Variants in SLF2 observed in about 807,000 individuals in gnomAD.
SLF2 encodes SMC5-SMC6 complex localization factor protein 2.
A neutral mutation model predicts 124.3 loss-of-function variants in SLF2; 68 were observed. That is an observed-to-expected ratio of 0.55 (90% confidence interval 0.45 to 0.67). The LOEUF (loss-of-function observed/expected upper bound fraction) is 0.67. Ranked by LOEUF, SLF2 falls within the 30% of genes least tolerant of loss-of-function variation. The pLI is 0.00. For missense variants in SLF2, 1,246 were observed against 1,373.7 expected, an observed-to-expected ratio of 0.91 and a Z score of 1.47; for synonymous variants, 480 against 478.8, an observed-to-expected ratio of 1.00 and a Z score of -0.03.
At chr10:100,955,160 T>G (rs1850306098) in intron 17 of SLF2, among the ~76,000 whole-genome samples, 1 of 152,004 alleles carries the variant, frequency 6.6e-6, no homozygotes, top group African/African-American at 2.4e-5. Context: ...GAGGATGGTC[T>G]TGATCTCCTG....
intron 17 of SLF2, among the ~76,000 whole-genome samples, chr10:100,952,795 C>T (rs1427774090): frequency 1.3e-5 from 2 of 149,556 alleles, no homozygotes; most frequent in African/African-American, 4.9e-5. Flanking sequence ...AAAAATTAGC[C>T]GGGCGTGATG....
chr10:100,914,312 GT>G lies in SLF2; in HGVS notation c.140+1071del, dbSNP rs144752521. On this transcript the variant is annotated intron_variant, in intron 1 of 19. Transcript: ENST00000238961. ...CTGTTATAATTGTGTGTGTGTGTGT[GT>G]TTTTTTTTAAGCCAGTTGTTAAATA... Among the ~76,000 whole-genome samples, 423 of 53,862 alleles carry G rather than the reference GT, an allele frequency of 7.9e-3. 3 individuals carry two copies. In the Middle Eastern group the frequency reaches 0.13, roughly 16 times the overall value. 35.3% of individuals were successfully genotyped at this position (53,862 alleles called of 152,430 possible). A position where few individuals can be genotyped will look rare whatever the true frequency, so the allele number is the denominator to read the frequency against.
chr10:100,913,564 C>G, intron 1 of SLF2: 1 of 1,214,000 alleles, frequency 8.2e-7, no homozygotes, highest in South Asian at 3.6e-5. Context: ...CTGCTTAATG[C>G]ATATTTAGAT....
intron 1 of SLF2, chr10:100,913,862 C>T (rs1408520367): frequency 1.0e-6 from 1 of 985,386 alleles, no homozygotes; most frequent in Non-Finnish European, 1.2e-6. Flanking sequence ...CATCCTCTGA[C>T]AATAAAACAT....
chr10:100,933,576 A>C (rs1020111977), intron 9 of SLF2, among the ~76,000 whole-genome samples: 8 of 152,200 alleles, frequency 5.3e-5, no homozygotes, highest in Non-Finnish European at 1.2e-4. Context: ...AGACCAGAAA[A>C]AGGTTAGTAC....
rs763868149 is a variant in SLF2, at chr10:100,956,443, T to G, written c.3331-8T>G. On this transcript the variant is annotated splice_region_variant and splice_polypyrimidine_tract_variant and intron_variant, in intron 17 of 19. Transcript: ENST00000238961. ...ATTGTTTTCATCCCTTGCATTTGTTTTGCACAGAAACACTTTGTGCTACTC... is the reference window on the plus strand; with the variant it reads ...ATTGTTTTCATCCCTTGCATTTGTTGTGCACAGAAACACTTTGTGCTACTC... 2 of 1,590,496 alleles carry G rather than the reference T, an allele frequency of 1.3e-6. No individual in the cohort carries two copies. Among genetic ancestry groups the G allele is most frequent in the Non-Finnish European group, 1.7e-6 (2 of 1,172,644 alleles).
chr10:100,930,041 TTACTC>T (rs1849700872), intron 8 of SLF2, 44 bp downstream of exon 8: 2 of 1,316,236 alleles, frequency 1.5e-6, no homozygotes, highest in Non-Finnish European at 2.0e-6. Context: ...GTATAAAAAA[TTACTC>T]TAAAACACTT....
intron 16 of SLF2, 136 bp from the exon 17 acceptor site, chr10:100,950,540 G>A (rs923688212): frequency 2.4e-5 from 17 of 721,154 alleles, no homozygotes; most frequent in African/African-American, 1.4e-4. Flanking sequence ...TAGATGCTTC[G>A]CTTTTACTTA....
intron 13 of SLF2, 103 bp from the exon 14 acceptor site, chr10:100,946,936 T>C: frequency 1.1e-6 from 1 of 878,424 alleles, no homozygotes; most frequent in Non-Finnish European, 1.9e-6. Context: ...CTCTGTTTTG[T>C]ACTAGTGCTT....
At chr10:100,917,353 A>G in intron 3 of SLF2, 53 bp downstream of exon 3, 1 of 1,508,596 alleles carries the variant, frequency 6.6e-7, no homozygotes, top group Non-Finnish European at 8.8e-7. Flanking sequence ...CATATTTAGA[A>G]TACTAAATTT....
At chr10:100,938,543 G>A in intron 10 of SLF2, 52 bp from the exon 11 acceptor site, 2 of 1,541,106 alleles carry the variant, frequency 1.3e-6, no homozygotes, top group East Asian at 2.4e-5. Context: ...CCTTGCAAAT[G>A]TGGGTTTGTA....
intron 9 of SLF2, 93 bp from the exon 10 acceptor site, chr10:100,937,309 C>A: frequency 1.1e-6 from 1 of 936,676 alleles, no homozygotes; most frequent in Non-Finnish European, 1.7e-6. Context: ...CTGCGCCTGG[C>A]CTACATAAAA....
intron 4 of SLF2, among the ~76,000 whole-genome samples, chr10:100,920,987 A>G (rs1849515029): frequency 6.6e-6 from 1 of 152,136 alleles, no homozygotes; most frequent in South Asian, 2.1e-4. Flanking sequence ...TCCAAATGAT[A>G]TGTCTTGTTC....
intron 18 of SLF2, among the ~76,000 whole-genome samples, chr10:100,959,084 C>G (rs1380624414): frequency 6.6e-6 from 1 of 152,154 alleles, no homozygotes; most frequent in East Asian, 1.9e-4. Context: ...TGACACAGAC[C>G]ACCCTTCAGC....
intron 18 of SLF2, among the ~76,000 whole-genome samples, chr10:100,958,710 G>T (rs1404381984): frequency 2.0e-5 from 3 of 152,202 alleles, no homozygotes. Context: ...GAAGAAAAAA[G>T]CATAGATTGT....
chr10:100,945,317 T>G lies in SLF2; in HGVS notation c.2758-13T>G, dbSNP rs541287227. Reference sequence around the variant, plus strand: ...TCCTAAAATATTTTTGTCTGTGCATTTATGTTAAACAGTTTCTAGGCTTGT... The same window carrying G: ...TCCTAAAATATTTTTGTCTGTGCATGTATGTTAAACAGTTTCTAGGCTTGT... On this transcript the variant is annotated splice_polypyrimidine_tract_variant and intron_variant, in intron 12 of 19. Coordinates refer to ENST00000238961, the MANE Select transcript of SLF2 (RefSeq NM_018121.4). 9 of 1,550,086 alleles carry G rather than the reference T, an allele frequency of 5.8e-6. No homozygotes were observed. In the South Asian group the frequency reaches 1.2e-4, roughly 20 times the overall value.
rs765421964 is a variant in SLF2 at position 100,917,032 on chromosome 10, T to G, written c.647T>G (p.Leu216Arg). 1.9e-6 allele frequency: 3 copies of G among 1,614,158 alleles called. No homozygotes were observed. The highest frequency in any genetic ancestry group is 2.5e-6 in the Non-Finnish European group (3 of 1,180,030). The change falls in exon 3 of 20, where the codon CTT becomes CGT. Residue 216 changes from leucine (L) to arginine (R), a missense_variant. Transcript: ENST00000238961. ...ADIFNNSSRS[L>R]SSRSSLSRHH... ...ATCTTCAATAACAGCTCCAGAAGCC[T>G]TAGCAGCAGGAGCAGCCTGTCCAGG...
chr10:100,943,996 C>T, intron 11 of SLF2, 30 bp from the exon 12 acceptor site: 1 of 1,466,720 alleles, frequency 6.8e-7, no homozygotes, highest in Non-Finnish European at 9.3e-7. Flanking sequence ...TTGTGCCTAA[C>T]TTCACATTGC....
intron 6 of SLF2, chr10:100,926,435 C>G (rs1198039096): frequency 1.6e-6 from 1 of 644,464 alleles, no homozygotes; most frequent in Non-Finnish European, 2.4e-6. Context: ...GAAACCCCAT[C>G]TCTACAAAAA....
Sources: gnomAD v4.1 joint callset for allele counts (sites outside exome capture counted in the v4.1 genomes callset) on GRCh38, gnomAD v4.1.1 for gene constraint, MANE v1.5 for transcripts, NCBI Gene and HGNC (gene_info 2026-07-23, HGNC 2026-07-21) for gene names.